Variants in ZNF736 observed in about 807,000 individuals in gnomAD.
The protein encoded by ZNF736 is KRAB-containing zinc-finger repressor protein.
ZNF736 carries 6 observed loss-of-function variants against 11.7 expected under a neutral mutation model. The observed-to-expected ratio is 0.51, with a 90% CI of 0.28 to 1.01. The LOEUF (loss-of-function observed/expected upper bound fraction) is 1.01. Ranked by LOEUF, ZNF736 falls within the 50% of genes least tolerant of loss-of-function variation. ZNF736 has a pLI of 0.09. For missense variants in ZNF736, 444 were observed against 496.0 expected (o/e 0.90, Z 1.00); for synonymous variants, 139 against 164.7 (o/e 0.84, Z 1.19).
intron 1 of ZNF736, among the ~76,000 whole-genome samples, chr7:64,335,556 A>G (rs1432017178): frequency 6.6e-6 from 1 of 152,148 alleles, no homozygotes; most frequent in African/African-American, 2.4e-5. Context: ...TTCACTCTAC[A>G]GTTCATTATT....
chr7:64,326,133 CCATT>C, intron 1 of ZNF736, among the ~76,000 whole-genome samples: 1 of 151,964 alleles, frequency 6.6e-6, no homozygotes, highest in Non-Finnish European at 1.5e-5. Flanking sequence ...TTCTCTTGTA[CCATT>C]TTAGAGTGTC....
chr7:64,344,072 G>A (rs1488641893), intron 3 of ZNF736, among the ~76,000 whole-genome samples: 1 of 152,120 alleles, frequency 6.6e-6, no homozygotes, highest in Non-Finnish European at 1.5e-5. Context: ...GGAGGCGAAG[G>A]TGGGCAGGTC....
At position 64,348,945 on chromosome 7, in the gene ZNF736, G is replaced by A. The variant is rs778071234; in HGVS notation, c.1082G>A (p.Arg361Lys). 4.4e-6 allele frequency: 7 copies of A among 1,595,724 alleles called. No individual in the cohort carries two copies. Among genetic ancestry groups the A allele is most frequent in the African/African-American group, 1.3e-5 (1 of 74,104 alleles). ...TRSSTLFNHK[R>K]IHMEERPYKC... ...TCCTCAACCCTTTTTAACCACAAGA[G>A]AATTCATATGGAAGAGAGACCTTAC... The change falls in exon 4 of 4, where the codon AGA (arginine) becomes AAA (lysine). Residue 361 changes from arginine (R) to lysine (K), a missense_variant. Transcript: ENST00000423484.
At chr7:64,318,205 G>T (rs1287557641) in intron 1 of ZNF736, among the ~76,000 whole-genome samples, 1 of 151,772 alleles carries the variant, frequency 6.6e-6, no homozygotes, top group Admixed American at 6.6e-5. Flanking sequence ...TTTGGTTTCT[G>T]TGAAGAAACC....
chr7:64,318,565 G>A lies in ZNF736; in HGVS notation c.3+4412G>A, dbSNP rs139968915. On this transcript the variant is annotated intron_variant, in intron 1 of 3. Coordinates refer to ENST00000423484, the MANE Select transcript of ZNF736 (RefSeq NM_001170905.3). ...GGGCAAGTATCATAAAAGCAATAAA[G>A]TTAAATATATACATATTTTGCTGAG... 5.8e-3 allele frequency among the ~76,000 whole-genome samples: 878 copies of A among 151,956 alleles called. 9 individuals are homozygous for A. The highest frequency in any genetic ancestry group is 0.02 in the African/African-American group (811 of 41,458).
chr7:64,348,068 G>A, intron 3 of ZNF736, 22 bp from the exon 4 acceptor site: 1 of 1,466,998 alleles, frequency 6.8e-7, no homozygotes, highest in South Asian at 1.5e-5. Context: ...TAATGAGGGA[G>A]AATTTTATTT....
intron 3 of ZNF736, among the ~76,000 whole-genome samples, chr7:64,338,913 G>T (rs553684246): frequency 6.6e-6 from 1 of 151,810 alleles, no homozygotes; most frequent in East Asian, 1.9e-4. Flanking sequence ...CTACATACTA[G>T]ATTTCATAAT....
intron 1 of ZNF736, among the ~76,000 whole-genome samples, chr7:64,327,645 G>A (rs1789100877): frequency 6.6e-6 from 1 of 151,962 alleles, no homozygotes; most frequent in African/African-American, 2.4e-5. Context: ...CTTTCTTTTA[G>A]TAAAGATGAT....
At chr7:64,337,248 TAATG>T (rs754764659) in intron 3 of ZNF736, 135 of 428,546 alleles carry the variant, frequency 3.2e-4, no homozygotes, top group Middle Eastern at 1.3e-3. Context: ...TTTACAGCAA[TAATG>T]AAAGTCTTTC....
chr7:64,323,502 A>G (rs73135604), intron 1 of ZNF736, among the ~76,000 whole-genome samples: 6,222 of 152,342 alleles, frequency 0.041, 172 homozygotes, highest in East Asian at 0.077. Context: ...TGCTTTCAAC[A>G]GTAGACTGGA....
intron 1 of ZNF736, among the ~76,000 whole-genome samples, chr7:64,322,009 G>A (rs1431251092): frequency 8.0e-6 from 1 of 125,318 alleles, no homozygotes; most frequent in Non-Finnish European, 1.7e-5. Flanking sequence ...ATTGATTAGT[G>A]ATAAGCTGTA....
rs191226385 is a variant in ZNF736 at position 64,343,923 on chromosome 7, A to G, written c.227-4167A>G. Among the ~76,000 whole-genome samples the G allele has an allele frequency of 3.3e-5, 5 of 149,662 alleles. No individual in the cohort carries two copies. The East Asian group carries it at 9.8e-4, about 29-fold the overall frequency. ...TCTGTGTTTGTTTGCCTGTGTAAATATTACCCCTATTTTATGACTTGTATA... is the reference window on the plus strand; with the variant it reads ...TCTGTGTTTGTTTGCCTGTGTAAATGTTACCCCTATTTTATGACTTGTATA... On this transcript the variant is annotated intron_variant, in intron 3 of 3. Coordinates refer to ENST00000423484, the MANE Select transcript of ZNF736 (RefSeq NM_001170905.3).
chr7:64,324,512 C>T (rs58172836), intron 1 of ZNF736, among the ~76,000 whole-genome samples: 3,590 of 152,212 alleles, frequency 0.024, 143 homozygotes, highest in African/African-American at 0.083. Flanking sequence ...ATTTAGCTAC[C>T]AGTATGTGAT....
intron 1 of ZNF736, among the ~76,000 whole-genome samples, chr7:64,325,793 C>CT (rs1789075248): frequency 6.6e-6 from 1 of 152,152 alleles, no homozygotes; most frequent in South Asian, 2.1e-4. Flanking sequence ...ATGTCTTTCT[C>CT]TAGGACCTGG....
intron 3 of ZNF736, among the ~76,000 whole-genome samples, chr7:64,347,055 A>T (rs1400393119): frequency 1.3e-5 from 2 of 151,616 alleles, no homozygotes; most frequent in African/African-American, 4.8e-5. Context: ...TAATGTTGCA[A>T]TTTGTATAAT....
chr7:64,330,154 G>GT (rs201509895), intron 1 of ZNF736, among the ~76,000 whole-genome samples: 13,437 of 151,050 alleles, frequency 0.089, 967 homozygotes, highest in African/African-American at 0.19. Context: ...AGGGAAGTGG[G>GT]GTTTTTTTTG....
At chr7:64,342,041 C>T (rs1173145728) in intron 3 of ZNF736, among the ~76,000 whole-genome samples, 1 of 152,122 alleles carries the variant, frequency 6.6e-6, no homozygotes, top group Non-Finnish European at 1.5e-5. Context: ...CTTTTGAATT[C>T]TTTAAGTCTT....
rs766703805 is a variant in ZNF736, at chr7:64,348,545, C to T, written c.682C>T (p.Pro228Ser). 6.3e-7 allele frequency: 1 copy of T among 1,585,576 alleles called. No homozygotes were observed. The highest frequency in any genetic ancestry group is 8.6e-7 in the Non-Finnish European group (1 of 1,165,862). ...EHKRVHTGEK[P>S]YKCEGCGKTF... is the part of the protein sequence containing the mutation. ...TAAGAGAGTTCATACTGGAGAGAAA[C>T]CTTACAAATGTGAAGGATGTGGCAA... is the stretch of plus-strand genomic sequence containing the variant. Residue 228 changes from proline (P) to serine (S), a missense_variant, in exon 4 of 4, where the codon CCT becomes TCT. Physicochemically the swap from Pro to Ser is moderately conservative, Grantham distance 74. Coordinates refer to ENST00000423484, the MANE Select transcript of ZNF736 (RefSeq NM_001170905.3).
intron 1 of ZNF736, among the ~76,000 whole-genome samples, chr7:64,321,576 T>C (rs372363215): frequency 6.6e-6 from 1 of 152,154 alleles, no homozygotes; most frequent in East Asian, 1.9e-4. Context: ...AATGGAAATA[T>C]TTTTTCTAGA....
Sources: gnomAD v4.1 joint callset for allele counts (sites outside exome capture counted in the v4.1 genomes callset) on GRCh38, gnomAD v4.1.1 for gene constraint, MANE v1.5 for transcripts, NCBI Gene and HGNC (gene_info 2026-07-23, HGNC 2026-07-21) for gene names.